Variants in MAST3 observed in about 807,000 individuals in gnomAD.
The protein encoded by MAST3 is microtubule-associated serine/threonine-protein kinase 3.
Under a neutral mutation model 127.0 loss-of-function variants are expected in MAST3, and 43 were observed. The observed-to-expected ratio is 0.34, with a 90% CI of 0.27 to 0.44. The LOEUF (loss-of-function observed/expected upper bound fraction) is 0.44, where lower values mean the gene tolerates loss of function less well. MAST3 is among the 20% of genes least tolerant of loss of function. MAST3 has a pLI of 1.00. For missense variants in MAST3, 1,390 were observed against 1,919.1 expected, an observed-to-expected ratio of 0.72 and a Z score of 5.15; for synonymous variants, 785 against 809.2, an observed-to-expected ratio of 0.97 and a Z score of 0.51.
intron 3 of MAST3, among the ~76,000 whole-genome samples, chr19:18,117,054 A>C (rs2147074083): frequency 6.6e-6 from 1 of 151,760 alleles, no homozygotes; most frequent in South Asian, 2.1e-4. Context: ...CTGTCATGAC[A>C]GGAGGAAGCA....
chr19:18,123,629 C>T lies in MAST3; in HGVS notation c.607C>T (p.His203Tyr). ...CGACAATGAGATTGTCATGATGAAT[C>T]ACGTGTACCGGGAGAGGTTCCCCAA... ...TFDNEIVMMNHVYRERFPKAT... is the reference protein window; with the variant it reads ...TFDNEIVMMNYVYRERFPKAT... The change falls in exon 8 of 28, where the codon CAC (histidine) becomes TAC (tyrosine). Residue 203 changes from histidine (H) to tyrosine (Y), a missense_variant. Transcript: ENST00000687212. The T allele has an allele frequency of 6.3e-7, 1 of 1,595,336 alleles. No homozygotes were observed. Among genetic ancestry groups the T allele is most frequent in the Non-Finnish European group, 8.5e-7 (1 of 1,171,280 alleles).
intron 1 of MAST3, among the ~76,000 whole-genome samples, chr19:18,106,110 T>A (rs2038051271): frequency 6.6e-6 from 1 of 152,140 alleles, no homozygotes; most frequent in African/African-American, 2.4e-5. Flanking sequence ...TTTTTAGACT[T>A]AGAGTCTTGC....
chr19:18,128,771 A>G, intron 12 of MAST3, 95 bp from the exon 13 acceptor site: 1 of 962,838 alleles, frequency 1.0e-6, no homozygotes, highest in Non-Finnish European at 1.6e-6. Flanking sequence ...AGGAGGTAGC[A>G]TCGGGCACCA....
rs139303325 is a variant in MAST3, at chr19:18,105,935, G to A, written c.40-1652G>A. Among the ~76,000 whole-genome samples, 845 of 152,246 alleles carry A rather than the reference G, an allele frequency of 5.6e-3. 9 individuals are homozygous for A. The highest frequency in any genetic ancestry group is 7.5e-3 in the Non-Finnish European group (509 of 68,026). On this transcript the variant is annotated intron_variant, in intron 1 of 27. Coordinates refer to ENST00000687212, the MANE Select transcript of MAST3 (RefSeq NM_001393504.1). ...TTGCAGCGAGTGAGGAGAGAATGGC[G>A]TTCAGACCTAGACCCAGGAGGAGAG...
At chr19:18,122,047 C>T (rs1049629960) in intron 5 of MAST3, 125 bp downstream of exon 5, 3 of 1,487,728 alleles carry the variant, frequency 2.0e-6, no homozygotes, top group Middle Eastern at 2.2e-4. Flanking sequence ...TCCCCTGGCC[C>T]GTCTGGTGGT....
chr19:18,098,816 T>A (rs942390001), intron 1 of MAST3: 4 of 456,416 alleles, frequency 8.8e-6, no homozygotes, highest in South Asian at 4.6e-5. Context: ...CGGAGTGTTC[T>A]GCAACCTCTG....
At chr19:18,122,953 G>A (rs2147197754) in intron 6 of MAST3, among the ~76,000 whole-genome samples, 1 of 152,368 alleles carries the variant, frequency 6.6e-6, no homozygotes, top group Non-Finnish European at 1.5e-5. Flanking sequence ...CCCTGGTTGG[G>A]GAGATACAGA....
At chr19:18,137,780 C>G (rs1159866681) in intron 19 of MAST3, among the ~76,000 whole-genome samples, 1 of 152,206 alleles carries the variant, frequency 6.6e-6, no homozygotes, top group Non-Finnish European at 1.5e-5. Flanking sequence ...AGGAATGACT[C>G]TCTCTCTCCC....
chr19:18,106,540 CTTAT>C (rs143547108), intron 1 of MAST3, among the ~76,000 whole-genome samples: 52,396 of 135,806 alleles, frequency 0.39, 10,607 homozygotes, highest in African/African-American at 0.42. Context: ...CTTGGCCCTT[CTTAT>C]TTATTTATTT....
chr19:18,116,354 G>A (rs1290010309), intron 3 of MAST3, among the ~76,000 whole-genome samples: 1 of 150,440 alleles, frequency 6.6e-6, no homozygotes, highest in Non-Finnish European at 1.5e-5. Flanking sequence ...GTGCAATGGT[G>A]CTATCTCAGC....
chr19:18,110,321 T>C lies in MAST3; in HGVS notation c.72-331T>C. ...CACAGAGGCGGCCTCTGCCTCGGCA[T>C]GAAGTCCCGCAGGGACAAGCTGCAC... On this transcript the variant is annotated intron_variant, in intron 2 of 27. Coordinates refer to ENST00000687212, the MANE Select transcript of MAST3 (RefSeq NM_001393504.1). This position sits in a 1 kb window ranked among gnomAD's most constrained non-coding sequence, Gnocchi z 4.3. 7 of 985,490 alleles carry C rather than the reference T, an allele frequency of 7.1e-6. No homozygotes were observed. The highest frequency in any genetic ancestry group is 8.4e-6 in the Non-Finnish European group (7 of 829,974). The allele number at this position is 985,490 out of a possible 1,614,324, so 61.0% of individuals were successfully genotyped here.
chr19:18,139,060 C>A lies in MAST3; in HGVS notation c.2141C>A (p.Thr714Asn), dbSNP rs751459815. 3.1e-6 allele frequency: 5 copies of A among 1,604,322 alleles called. No homozygotes were observed. Among genetic ancestry groups the A allele is most frequent in the Admixed American group, 1.7e-5 (1 of 58,782 alleles). ...YRHLGSEDDETNDEESSTEIP... is the reference protein window; with the variant it reads ...YRHLGSEDDENNDEESSTEIP... ...CATCTGGGCTCCGAGGACGACGAGA[C>A]CAATGATGAAGAATCGTCCACAGAG... The change falls in exon 20 of 28, where the codon ACC (threonine) becomes AAC (asparagine). Residue 714 changes from threonine (T) to asparagine (N), a missense_variant. Thr to Asn is a moderately conservative substitution (Grantham distance 65). Around this residue, in one of 5 missense-constraint regions of MAST3, gnomAD observed 816 missense variants for 934.1 expected, o/e 0.87. Coordinates refer to ENST00000687212, the MANE Select transcript of MAST3 (RefSeq NM_001393504.1).
At chr19:18,106,275 C>T (rs1371729104) in intron 1 of MAST3, among the ~76,000 whole-genome samples, 4 of 151,650 alleles carry the variant, frequency 2.6e-5, no homozygotes, top group Non-Finnish European at 4.4e-5. Context: ...TTTTTTGAGA[C>T]GGAATCTCTC....
rs1288317915 is a variant in MAST3, at chr19:18,112,819, G to T, written c.161+2078G>T. On this transcript the variant is annotated intron_variant, in intron 3 of 27. Transcript: ENST00000687212. This position sits in a 1 kb window ranked among gnomAD's most constrained non-coding sequence, Gnocchi z 4.1. ...GTCTGCCTTGGGGGGAGAAAGTTCTGCTGGGGCCAGGAATGGAGGTGGCCA... is the reference window on the plus strand; with the variant it reads ...GTCTGCCTTGGGGGGAGAAAGTTCTTCTGGGGCCAGGAATGGAGGTGGCCA... 2.0e-5 allele frequency among the ~76,000 whole-genome samples: 3 copies of T among 152,060 alleles called. No homozygotes were observed. Among genetic ancestry groups the T allele is most frequent in the Non-Finnish European group, 2.9e-5 (2 of 68,016 alleles).
Position 18,097,829 on chromosome 19 carries a change from C to T in MAST3, c.37C>T (p.Gln13Ter). The T allele has an allele frequency of 8.1e-7, 1 of 1,228,542 alleles. No homozygotes were observed. The highest frequency in any genetic ancestry group is 1.0e-6 in the Non-Finnish European group (1 of 985,952). The allele number at this position is 1,228,542 out of a possible 1,614,324, so 76.1% of individuals were successfully genotyped here. Reference sequence around the variant, plus strand: ...GAGCCTCCTGCGGCGCCGCGGGCTCCAGGTGAGGCCCCTGCGCGGGCGGGC... The same window carrying T: ...GAGCCTCCTGCGGCGCCGCGGGCTCTAGGTGAGGCCCCTGCGCGGGCGGGC... ...ESSLLRRRGL[Q>*]KELSLPRRGR... The change falls in exon 1 of 28, where the codon CAG (glutamine) becomes TAG (stop). Residue 13 changes from glutamine to a stop codon, truncating the protein, a stop_gained and splice_region_variant. Coordinates refer to ENST00000687212, the MANE Select transcript of MAST3 (RefSeq NM_001393504.1). LOFTEE classifies it high-confidence loss of function.
In MAST3 at chr19:18,135,749, T is replaced by C. The variant is rs1283460946; in HGVS notation, c.1880T>C (p.Met627Thr). ...CCCTCCCTCATTTTAGATGAGATCA[T>C]GTGGCCAGAGGGAGATGAGGCCCTT... Reference protein sequence around the residue: ...LFGQVVSDEIMWPEGDEALPA... With the variant: ...LFGQVVSDEITWPEGDEALPA... The change falls in exon 18 of 28, where the codon ATG becomes ACG. Residue 627 changes from methionine to threonine, a missense_variant. Physicochemically the swap from Met to Thr is moderately conservative, Grantham distance 81. This residue lies in a region of MAST3 where 191 missense variants were observed against 409.0 expected (regional missense o/e 0.47). Coordinates refer to ENST00000687212, the MANE Select transcript of MAST3 (RefSeq NM_001393504.1). The C allele has an allele frequency of 1.2e-6, 2 of 1,611,432 alleles. No individual in the cohort carries two copies. Among genetic ancestry groups the C allele is most frequent in the Admixed American group, 3.3e-5 (2 of 59,728 alleles).
rs1005841888 is a variant in MAST3 at position 18,144,729 on chromosome 19, G to T, written c.2812+36G>T. On this transcript the variant is annotated intron_variant, in intron 23 of 27. Coordinates refer to ENST00000687212, the MANE Select transcript of MAST3 (RefSeq NM_001393504.1). This position sits in a 1 kb window ranked among gnomAD's most constrained non-coding sequence, Gnocchi z 4.0. ...AGGCCCCTCTCACCTTTGTCTGTCT[G>T]CACCCATTTTCACCAACAGGGTGGG... 8 of 1,597,234 alleles carry T rather than the reference G, an allele frequency of 5.0e-6. No individual in the cohort carries two copies. The highest frequency in any genetic ancestry group is 6.8e-6 in the Non-Finnish European group (8 of 1,176,024).
At chr19:18,140,047 C>T (rs2042291203) in intron 20 of MAST3, among the ~76,000 whole-genome samples, 1 of 149,986 alleles carries the variant, frequency 6.7e-6, no homozygotes, top group African/African-American at 2.5e-5. Context: ...TCTCGATCTC[C>T]TGACCTCGTG....
chr19:18,116,116 C>T lies in MAST3; in HGVS notation c.161+5375C>T, dbSNP rs1372099376. Among the ~76,000 whole-genome samples, 32 of 10,590 alleles carry T rather than the reference C, an allele frequency of 3.0e-3. 1 individual carries two copies. Among genetic ancestry groups the T allele is most frequent in the Admixed American group, 0.027 (26 of 952 alleles). 6.9% of individuals were successfully genotyped at this position (10,590 alleles called of 152,430 possible). ...TTTTTTTTTTTTTTTTTTTTTGAGA[C>T]GGAGTCTCGCTCTATCACCCAGGCT... On this transcript the variant is annotated intron_variant, in intron 3 of 27. Coordinates refer to ENST00000687212, the MANE Select transcript of MAST3 (RefSeq NM_001393504.1).
Sources: gnomAD v4.1 joint callset for allele counts (sites outside exome capture counted in the v4.1 genomes callset) on GRCh38, gnomAD v4.1.1 for gene constraint, gnomAD v4.1.1 regional missense constraint, Gnocchi (gnomAD v3.1) non-coding constraint, MANE v1.5 for transcripts, NCBI Gene and HGNC (gene_info 2026-07-23, HGNC 2026-07-21) for gene names.